SLC38A4: variants seen among roughly 807,000 people sequenced by gnomAD.
SLC38A4 encodes sodium-coupled neutral amino acid transporter 4.
A neutral mutation model predicts 63.1 loss-of-function variants in SLC38A4; 20 were observed. The observed-to-expected ratio is 0.32, with a 90% CI of 0.22 to 0.46. The LOEUF is 0.46. SLC38A4 is among the 20% of genes least tolerant of loss of function. The probability of loss-of-function intolerance (pLI) is 1.00; values close to 1 mark genes in which losing one functional copy is unlikely to be tolerated. For missense variants in SLC38A4, 526 were observed against 663.6 expected (o/e 0.79, Z 2.28); for synonymous variants, 230 against 225.5 (o/e 1.02, Z -0.18).
intron 1 of SLC38A4, among the ~76,000 whole-genome samples, chr12:46,807,977 C>A (rs895982168): frequency 9.9e-5 from 15 of 151,314 alleles, no homozygotes; most frequent in Admixed American, 4.0e-4. Context: ...CAAAGCCTCT[C>A]AGATTTCCGT....
chr12:46,772,528 G>C (rs939341860), intron 14 of SLC38A4, among the ~76,000 whole-genome samples: 1 of 151,998 alleles, frequency 6.6e-6, no homozygotes, highest in African/African-American at 2.4e-5. Flanking sequence ...CTGGAAGGAG[G>C]TGCCATTCCA....
At position 46,784,090 on chromosome 12, in the gene SLC38A4, A is replaced by G. The variant is rs117557246; in HGVS notation, c.493+452T>C. 7.9e-3 allele frequency among the ~76,000 whole-genome samples: 1,201 copies of G among 152,190 alleles called. 8 individuals are homozygous for G. Among genetic ancestry groups the G allele is most frequent in the Non-Finnish European group, 0.013 (892 of 67,978 alleles). Reference sequence around the variant, plus strand: ...TAGTAAACTTCCAGAGACACTGTCTAGTGGGCTGGCTCAGTGCAGGCTGCG... The same window carrying G: ...TAGTAAACTTCCAGAGACACTGTCTGGTGGGCTGGCTCAGTGCAGGCTGCG... On this transcript the variant is annotated intron_variant, in intron 7 of 16. Transcript: ENST00000266579.
In SLC38A4 at chr12:46,793,023, T is replaced by C. The variant is rs1019091999; in HGVS notation, c.49A>G (p.Ser17Gly). The C allele has an allele frequency of 2.5e-6, 4 of 1,613,336 alleles. No homozygotes were observed. The highest frequency in any genetic ancestry group is 3.4e-6 in the Non-Finnish European group (4 of 1,179,450). Reference sequence around the variant, plus strand: ...TCTGGAGCACTTTCTCCACTGCTGCTCTCATCATCTGGTTCGATGTTGACA... The same window carrying C: ...TCTGGAGCACTTTCTCCACTGCTGCCCTCATCATCTGGTTCGATGTTGACA... ...RNVNIEPDDE[S>G]SSGESAPDSY... The change falls in exon 3 of 17, where the codon AGC becomes GGC. Residue 17 changes from serine to glycine, a missense_variant. Ser to Gly is a moderately conservative substitution (Grantham distance 56). Coordinates refer to ENST00000266579, the MANE Select transcript of SLC38A4 (RefSeq NM_018018.5).
chr12:46,798,427 G>T (rs1190920569), intron 2 of SLC38A4, among the ~76,000 whole-genome samples: 2 of 152,108 alleles, frequency 1.3e-5, no homozygotes, highest in Admixed American at 1.3e-4. Context: ...TGACTGGCAT[G>T]CTCCCCTCCC....
chr12:46,807,530 G>A (rs531357149), intron 1 of SLC38A4, among the ~76,000 whole-genome samples: 74 of 151,770 alleles, frequency 4.9e-4, no homozygotes, highest in Middle Eastern at 3.4e-3. Context: ...CTGCCTTTTC[G>A]TTTTCAGACT....
Position 46,787,969 on chromosome 12 carries a change from A to G in SLC38A4, c.273T>C (p.Ser91=). The G allele has an allele frequency of 6.2e-7, 1 of 1,613,934 alleles. No homozygotes were observed. Among genetic ancestry groups the G allele is most frequent in the Non-Finnish European group, 8.5e-7 (1 of 1,179,850 alleles). ...SFNLSNAIMG[S]GILGLSYAMA... Reference sequence around the variant, plus strand: ...TGGCATAGGACAAGCCCAGGATCCCACTGCCCATGATGGCATTACTCAGGT... The same window carrying G: ...TGGCATAGGACAAGCCCAGGATCCCGCTGCCCATGATGGCATTACTCAGGT... Residue 91 remains serine (S), a synonymous_variant, in exon 5 of 17, where the codon AGT becomes AGC. Coordinates refer to ENST00000266579, the MANE Select transcript of SLC38A4 (RefSeq NM_018018.5).
chr12:46,794,839 T>C (rs963108132), intron 2 of SLC38A4, among the ~76,000 whole-genome samples: 1 of 151,642 alleles, frequency 6.6e-6, no homozygotes, highest in African/African-American at 2.4e-5. Flanking sequence ...TTCTCAGAAT[T>C]TAAAAAAATA....
At chr12:46,829,642 T>C (rs1939704148), upstream of SLC38A4, among the ~76,000 whole-genome samples, 1 of 152,148 alleles carries the variant, frequency 6.6e-6, no homozygotes, top group Admixed American at 6.5e-5. Flanking sequence ...GTCACTTATA[T>C]AGAAAAAAGT....
intron 14 of SLC38A4, among the ~76,000 whole-genome samples, chr12:46,770,155 C>A (rs1235599508): frequency 6.6e-6 from 1 of 151,842 alleles, no homozygotes; most frequent in Admixed American, 6.6e-5. Flanking sequence ...ATAGTAAAAC[C>A]CTTGTTGATC....
rs1039417148 is a variant in SLC38A4, at chr12:46,766,176, T to C, written c.*525A>G. 1 of 338,246 alleles carries C rather than the reference T, an allele frequency of 3.0e-6. No individual in the cohort carries two copies. Among genetic ancestry groups the C allele is most frequent in the Non-Finnish European group, 5.8e-6 (1 of 171,512 alleles). 21.0% of individuals were successfully genotyped at this position (338,246 alleles called of 1,614,324 possible). A position where few individuals can be genotyped will look rare whatever the true frequency, so the allele number is the denominator to read the frequency against. ...CTAGACTGGTGTTTGACCATTCATGTACCTTACAGAAACAGAAACAGTTCC... is the reference window on the plus strand; with the variant it reads ...CTAGACTGGTGTTTGACCATTCATGCACCTTACAGAAACAGAAACAGTTCC... On this transcript the variant is annotated 3_prime_UTR_variant, in exon 17 of 17. Coordinates refer to ENST00000266579, the MANE Select transcript of SLC38A4 (RefSeq NM_018018.5).
rs777011115 is a variant in SLC38A4, at chr12:46,775,180, C to G, written c.1175-7G>C. 11 of 1,609,668 alleles carry G rather than the reference C, an allele frequency of 6.8e-6. No homozygotes were observed. The Admixed American group carries it at 1.9e-4, about 27-fold the overall frequency. ...AATTCATCTTCAACTTCTCCTACAACAGGAAAAAGAGAATGAAACCGCTTG... is the reference window on the plus strand; with the variant it reads ...AATTCATCTTCAACTTCTCCTACAAGAGGAAAAAGAGAATGAAACCGCTTG... On this transcript the variant is annotated splice_polypyrimidine_tract_variant and splice_region_variant and intron_variant, in intron 13 of 16. Transcript: ENST00000266579.
intron 1 of SLC38A4, among the ~76,000 whole-genome samples, chr12:46,825,330 T>TATATATA (rs71070321): frequency 1.3e-5 from 2 of 150,986 alleles, no homozygotes; most frequent in South Asian, 2.1e-4. Context: ...TATATATATA[T>TATATATA]TCCTTACAGA....
At chr12:46,788,729 A>G (rs1938817876) in intron 3 of SLC38A4, 111 bp from the exon 4 acceptor site, 1 of 951,982 alleles carries the variant, frequency 1.1e-6, no homozygotes, top group African/African-American at 1.6e-5. Context: ...GGGAAATAAG[A>G]CACCCCAATT....
chr12:46,799,179 G>A (rs1472440885), intron 2 of SLC38A4, among the ~76,000 whole-genome samples: 3 of 152,102 alleles, frequency 2.0e-5, no homozygotes, highest in Non-Finnish European at 4.4e-5. Flanking sequence ...TATTTCATAT[G>A]CATAATTAGA....
chr12:46,777,405 C>G (rs1938551675), intron 12 of SLC38A4, among the ~76,000 whole-genome samples: 1 of 151,970 alleles, frequency 6.6e-6, no homozygotes, highest in African/African-American at 2.4e-5. Context: ...TGCCAGGAGT[C>G]CAGACTACCT....
At chr12:46,813,656 T>C (rs1464727769) in intron 1 of SLC38A4, among the ~76,000 whole-genome samples, 1 of 152,036 alleles carries the variant, frequency 6.6e-6, no homozygotes, top group Non-Finnish European at 1.5e-5. Flanking sequence ...AGATACTGTG[T>C]CTTATTCAGC....
chr12:46,776,413 A>G (rs1938526279), intron 13 of SLC38A4, among the ~76,000 whole-genome samples: 1 of 152,048 alleles, frequency 6.6e-6, no homozygotes. Context: ...TAGTATAACA[A>G]AATAGAATGG....
chr12:46,814,511 A>G (rs953301824), intron 1 of SLC38A4, among the ~76,000 whole-genome samples: 1 of 151,936 alleles, frequency 6.6e-6, no homozygotes, highest in Non-Finnish European at 1.5e-5. Flanking sequence ...TGAGATTGAT[A>G]AAACATGAAG....
chr12:46,805,131 G>T (rs1033041746), intron 1 of SLC38A4, among the ~76,000 whole-genome samples: 1 of 151,896 alleles, frequency 6.6e-6, no homozygotes, highest in African/African-American at 2.4e-5. Context: ...GGAGATAAAT[G>T]TATAGATCGT....
Sources: gnomAD v4.1 joint callset for allele counts (sites outside exome capture counted in the v4.1 genomes callset) on GRCh38, gnomAD v4.1.1 for gene constraint, MANE v1.5 for transcripts, NCBI Gene and HGNC (gene_info 2026-07-23, HGNC 2026-07-21) for gene names.